Variants in RIN2 observed in about 807,000 individuals in gnomAD.
The protein encoded by RIN2 is Ras and Rab interactor 2.
Under a neutral mutation model 78.0 loss-of-function variants are expected in RIN2, and 36 were observed. The ratio of observed to expected loss-of-function variants is 0.46; its 90% CI spans 0.35 to 0.61. The LOEUF is 0.61. Ranked by LOEUF, RIN2 falls within the 20% of genes least tolerant of loss-of-function variation. The pLI is 0.00. For missense variants in RIN2, 1,087 were observed against 1,159.7 expected (o/e 0.94, Z 0.91); for synonymous variants, 466 against 466.8 (o/e 1.00, Z 0.02).
intron 2 of RIN2, among the ~76,000 whole-genome samples, chr20:19,881,738 C>T (rs1448374609): frequency 6.6e-6 from 1 of 152,152 alleles, no homozygotes; most frequent in East Asian, 1.9e-4. Context: ...CACCACCACA[C>T]CTGGCTAATA....
chr20:19,931,709 CTTTT>C (rs57734791), intron 3 of RIN2, among the ~76,000 whole-genome samples: 2 of 128,124 alleles, frequency 1.6e-5, no homozygotes, highest in South Asian at 2.5e-4. Flanking sequence ...CTCGATTTGC[CTTTT>C]TTTTTTTTTT....
intron 2 of RIN2, among the ~76,000 whole-genome samples, chr20:19,853,416 T>C (rs1172832179): frequency 6.6e-6 from 1 of 152,150 alleles, no homozygotes; most frequent in Non-Finnish European, 1.5e-5. Flanking sequence ...GATGGCTGGG[T>C]CAAATGGTAT....
intron 3 of RIN2, among the ~76,000 whole-genome samples, chr20:19,909,320 G>A (rs1049426458): frequency 6.6e-6 from 1 of 152,038 alleles, no homozygotes; most frequent in Non-Finnish European, 1.5e-5. Flanking sequence ...TACCCCCAAG[G>A]CAAGATTAAA....
chr20:19,794,591 C>T (rs1356174167), intron 1 of RIN2, among the ~76,000 whole-genome samples: 2 of 147,556 alleles, frequency 1.4e-5, no homozygotes, highest in African/African-American at 5.0e-5. Flanking sequence ...GAATAACGTT[C>T]ATATGAACCT....
At chr20:19,940,057 G>T (rs1323281605) in intron 4 of RIN2, among the ~76,000 whole-genome samples, 1 of 152,042 alleles carries the variant, frequency 6.6e-6, no homozygotes, top group African/African-American at 2.4e-5. Flanking sequence ...TCATCATGTT[G>T]CCCAGGCTGG....
intron 2 of RIN2, among the ~76,000 whole-genome samples, chr20:19,841,594 A>G (rs1426829370): frequency 6.6e-6 from 1 of 152,178 alleles, no homozygotes; most frequent in Admixed American, 6.5e-5. Flanking sequence ...TGACCTTTTC[A>G]AACACTGAAA....
chr20:19,839,633 G>A (rs1194411059), intron 2 of RIN2, among the ~76,000 whole-genome samples: 1 of 152,078 alleles, frequency 6.6e-6, no homozygotes, highest in Non-Finnish European at 1.5e-5. Context: ...ACCTCCCCCT[G>A]GAGGATCTAG....
At chr20:19,858,953 A>C (rs1177882556) in intron 2 of RIN2, among the ~76,000 whole-genome samples, 3 of 152,174 alleles carry the variant, frequency 2.0e-5, no homozygotes, top group East Asian at 3.9e-4. Context: ...ACGGTGGAGG[A>C]CAGAATACAT....
chr20:19,861,143 T>G lies in RIN2; in HGVS notation c.-36-28423T>G, dbSNP rs2084343320. On this transcript the variant is annotated intron_variant, in intron 2 of 12. Transcript: ENST00000255006. Reference sequence around the variant, plus strand: ...GAATGTGTCAAATGTCCTGCTTTGATCAGTCTCCGGGCAGATGTCACACTA... The same window carrying G: ...GAATGTGTCAAATGTCCTGCTTTGAGCAGTCTCCGGGCAGATGTCACACTA... Among the ~76,000 whole-genome samples the G allele has an allele frequency of 2.0e-5, 3 of 152,308 alleles. No homozygotes were observed. In the South Asian group the frequency reaches 6.2e-4, roughly 32 times the overall value.
chr20:19,984,911 C>T (rs977540230), intron 9 of RIN2, among the ~76,000 whole-genome samples: 1 of 152,184 alleles, frequency 6.6e-6, no homozygotes, highest in African/African-American at 2.4e-5. Flanking sequence ...TTGATTTTTA[C>T]TTTGTGTTGT....
chr20:19,764,921 T>G lies in RIN2; in HGVS notation c.-163+6594T>G, dbSNP rs1385487728. Among the ~76,000 whole-genome samples, 23 of 109,694 alleles carry G rather than the reference T, an allele frequency of 2.1e-4. 1 individual carries two copies. The highest frequency in any genetic ancestry group is 7.5e-4 in the East Asian group (3 of 4,004). 72.0% of individuals were successfully genotyped at this position (109,694 alleles called of 152,430 possible). On this transcript the variant is annotated intron_variant, in intron 1 of 12. Coordinates refer to ENST00000255006, the MANE Select transcript of RIN2 (RefSeq NM_018993.4). ...CAAGTCCCACTTCACTTTCTGCGTTTTTTTTTTTTTTTTTTTTTTTTTGAC... is the reference window on the plus strand; with the variant it reads ...CAAGTCCCACTTCACTTTCTGCGTTGTTTTTTTTTTTTTTTTTTTTTTGAC...
At chr20:19,922,349 T>C (rs575808245) in intron 3 of RIN2, among the ~76,000 whole-genome samples, 1 of 152,106 alleles carries the variant, frequency 6.6e-6, no homozygotes, top group African/African-American at 2.4e-5. Flanking sequence ...ACCACCAGCT[T>C]TGGGGGATGC....
chr20:19,975,100 C>T lies in RIN2; in HGVS notation c.1075C>T (p.Pro359Ser), dbSNP rs749353319. ...AACGAAACCAACTCCCATCCCTCCA[C>T]CCCGGCTGAAGAAGCAGGCTTCTTT... is the stretch of plus-strand genomic sequence containing the variant. ...PGTKPTPIPP[P>S]RLKKQASFLE... The change falls in exon 9 of 13, where the codon CCC becomes TCC. Residue 359 changes from proline to serine, a missense_variant. Around this residue, in one of 8 missense-constraint regions of RIN2, gnomAD observed 706 missense variants for 667.5 expected, o/e 1.06. Coordinates refer to ENST00000255006, the MANE Select transcript of RIN2 (RefSeq NM_018993.4). The surrounding 1 kb of genome is among the most constrained non-coding windows in gnomAD (Gnocchi z 4.9). 1.2e-6 allele frequency: 2 copies of T among 1,613,488 alleles called. No homozygotes were observed. Among genetic ancestry groups the T allele is most frequent in the Non-Finnish European group, 8.5e-7 (1 of 1,179,882 alleles).
chr20:19,908,057 C>T (rs1190629625), intron 3 of RIN2, among the ~76,000 whole-genome samples: 1 of 152,202 alleles, frequency 6.6e-6, no homozygotes, highest in Non-Finnish European at 1.5e-5. Flanking sequence ...TTCCTCATGC[C>T]TGTAACATTG....
At chr20:19,986,441 T>G (rs1454098083) in intron 9 of RIN2, among the ~76,000 whole-genome samples, 1 of 152,184 alleles carries the variant, frequency 6.6e-6, no homozygotes, top group Non-Finnish European at 1.5e-5. Flanking sequence ...CCACTAGCAA[T>G]TACTTTTTCA....
At chr20:19,805,973 G>GT (rs1411148712) in intron 2 of RIN2, among the ~76,000 whole-genome samples, 1 of 152,116 alleles carries the variant, frequency 6.6e-6, no homozygotes, top group Non-Finnish European at 1.5e-5. Context: ...GCAGTGTTTG[G>GT]TTTTCTGTCC....
chr20:19,849,912 G>A lies in RIN2; in HGVS notation c.-36-39654G>A, dbSNP rs534644021. Among the ~76,000 whole-genome samples the A allele has an allele frequency of 2.6e-5, 4 of 152,220 alleles. No homozygotes were observed. In the South Asian group the frequency reaches 6.2e-4, roughly 24 times the overall value. ...GCTAGAGAAAGCAGTTTTAAAGATC[G>A]AAATTTTCCCTCTTTGTTCCTTGTG... is the stretch of plus-strand genomic sequence containing the variant. On this transcript the variant is annotated intron_variant, in intron 2 of 12. Coordinates refer to ENST00000255006, the MANE Select transcript of RIN2 (RefSeq NM_018993.4).
intron 1 of RIN2, among the ~76,000 whole-genome samples, chr20:19,766,314 A>G (rs2033882439): frequency 6.6e-6 from 1 of 152,188 alleles, no homozygotes; most frequent in African/African-American, 2.4e-5. Context: ...TATGATCTAA[A>G]TAATACAAAT....
chr20:19,946,528 G>A (rs938985369), intron 4 of RIN2, among the ~76,000 whole-genome samples: 4 of 152,026 alleles, frequency 2.6e-5, no homozygotes, highest in Non-Finnish European at 4.4e-5. Flanking sequence ...GACCAGCATG[G>A]CCAACATGGC....
Sources: gnomAD v4.1 joint callset for allele counts (sites outside exome capture counted in the v4.1 genomes callset) on GRCh38, gnomAD v4.1.1 for gene constraint, gnomAD v4.1.1 regional missense constraint, Gnocchi (gnomAD v3.1) non-coding constraint, MANE v1.5 for transcripts, NCBI Gene and HGNC (gene_info 2026-07-23, HGNC 2026-07-21) for gene names.